Variants in ARPP21 observed in about 807,000 individuals in gnomAD.
ARPP21 encodes cAMP regulated phosphoprotein 21.
ARPP21 carries 69 observed loss-of-function variants against 113.2 expected under a neutral mutation model. That is an observed-to-expected ratio of 0.61 (90% CI 0.50 to 0.74). The LOEUF (loss-of-function observed/expected upper bound fraction) is 0.74. Among genes scored for constraint, ARPP21 ranks in the 30% least tolerant of loss-of-function variants. ARPP21 has a pLI of 0.00. For missense variants in ARPP21, 1,070 were observed against 1,037.4 expected (o/e 1.03, Z -0.43); for synonymous variants, 368 against 375.5 (o/e 0.98, Z 0.23).
intron 1 of ARPP21, among the ~76,000 whole-genome samples, chr3:35,675,754 G>A (rs992312995): frequency 6.6e-6 from 1 of 151,642 alleles, no homozygotes; most frequent in Non-Finnish European, 1.5e-5. Context: ...GTCCACATTG[G>A]ATAGATAAAT....
intron 20 of ARPP21, 142 bp from the exon 21 acceptor site, chr3:35,793,559 C>A: frequency 1.6e-6 from 1 of 642,466 alleles, no homozygotes; most frequent in Non-Finnish European, 2.8e-6. Context: ...TAATGTGAAA[C>A]AGCCGATAAA....
intron 19 of ARPP21, among the ~76,000 whole-genome samples, chr3:35,770,376 T>C (rs984795741): frequency 1.3e-5 from 2 of 152,216 alleles, no homozygotes; most frequent in Non-Finnish European, 2.9e-5. Context: ...TCAGCATTCT[T>C]AGCCTTGGAA....
At chr3:35,681,914 C>T in intron 3 of ARPP21, 34 bp downstream of exon 3, 1 of 1,602,504 alleles carries the variant, frequency 6.2e-7, no homozygotes, top group South Asian at 1.1e-5. Context: ...GACTCTCATA[C>T]AACTGTGTGC....
intron 7 of ARPP21, 37 bp from the exon 8 acceptor site, chr3:35,690,044 T>C (rs2081791079): frequency 5.7e-6 from 5 of 874,294 alleles, no homozygotes; most frequent in Non-Finnish European, 7.8e-6. Flanking sequence ...AAGTGGAACA[T>C]ACATAAAACC....
chr3:35,789,738 A>G (rs1028543323), intron 19 of ARPP21, among the ~76,000 whole-genome samples: 2 of 152,166 alleles, frequency 1.3e-5, no homozygotes, highest in African/African-American at 4.8e-5. Context: ...CAGGCTCTGC[A>G]CCTTTACTAG....
At chr3:35,737,563 A>G (rs2094432831) in intron 16 of ARPP21, among the ~76,000 whole-genome samples, 1 of 152,220 alleles carries the variant, frequency 6.6e-6, no homozygotes, top group Admixed American at 6.5e-5. Context: ...TGCCCCATGC[A>G]GTAACTTGCA....
chr3:35,704,737 C>T (rs1015704828), intron 9 of ARPP21, among the ~76,000 whole-genome samples: 2 of 151,720 alleles, frequency 1.3e-5, no homozygotes, highest in African/African-American at 2.4e-5. Context: ...TATGAATAGC[C>T]GCGCTAAATG....
At chr3:35,708,858 A>G in intron 10 of ARPP21, 111 bp from the exon 11 acceptor site, 1 of 709,870 alleles carries the variant, frequency 1.4e-6, no homozygotes, top group Non-Finnish European at 2.4e-6. Context: ...GAGATTTTTC[A>G]GGCTCCATTT....
rs1434778925 is a variant in ARPP21, at chr3:35,737,316, A to G, written c.1598A>G (p.Gln533Arg). Residue 533 changes from glutamine to arginine, a missense_variant, in exon 16 of 21, where the codon CAG (glutamine) becomes CGG (arginine). Gln to Arg is a conservative substitution (Grantham distance 43). Transcript: ENST00000684406. Reference sequence around the variant, plus strand: ...CAGCCCTCCCCGCAGCCCCAACAGCAGGTCCAGCCACCGCAGCCACAGATG... The same window carrying G: ...CAGCCCTCCCCGCAGCCCCAACAGCGGGTCCAGCCACCGCAGCCACAGATG... Reference protein sequence around the residue: ...QQQPSPQPQQQVQPPQPQMAG... With the variant: ...QQQPSPQPQQRVQPPQPQMAG... 1 of 1,612,552 alleles carries G rather than the reference A, an allele frequency of 6.2e-7. No homozygotes were observed. The highest frequency in any genetic ancestry group is 8.5e-7 in the Non-Finnish European group (1 of 1,179,110).
chr3:35,744,521 C>T (rs763117382), intron 19 of ARPP21: 3 of 529,532 alleles, frequency 5.7e-6, no homozygotes, highest in Non-Finnish European at 1.2e-5. Flanking sequence ...GAGTGAGTAG[C>T]AGGTCTCACA....
chr3:35,756,539 G>A (rs201763515), intron 19 of ARPP21, among the ~76,000 whole-genome samples: 1 of 64 alleles, frequency 0.016, no homozygotes, highest in South Asian at 0.25. Context: ...TTCCTGGTGG[G>A]TGATAGTTTT....
Position 35,681,893 on chromosome 3 carries a change from G to T in ARPP21, c.129+13G>T. 6.2e-7 allele frequency: 1 copy of T among 1,611,286 alleles called. No homozygotes were observed. The highest frequency in any genetic ancestry group is 8.5e-7 in the Non-Finnish European group (1 of 1,178,356). The stretch of plus-strand genomic sequence containing the variant: ...ACTGGAACTGCAGGTGAGTGAGCAT[G>T]AAGAGACCCTGACTCTCATACAACT... On this transcript the variant is annotated intron_variant, in intron 3 of 20. Transcript: ENST00000684406.
chr3:35,680,457 A>G (rs763892571), intron 2 of ARPP21, among the ~76,000 whole-genome samples: 23 of 151,922 alleles, frequency 1.5e-4, no homozygotes, highest in Non-Finnish European at 2.9e-4. Context: ...TAAAGATATC[A>G]TTAGATACCA....
chr3:35,668,988 A>G (rs952849783), intron 1 of ARPP21, among the ~76,000 whole-genome samples: 25 of 152,140 alleles, frequency 1.6e-4, no homozygotes, highest in African/African-American at 6.0e-4. Context: ...GCTAGCAATA[A>G]AGAATAAATG....
intron 1 of ARPP21, among the ~76,000 whole-genome samples, chr3:35,663,157 A>C (rs1389527608): frequency 6.6e-6 from 1 of 152,136 alleles, no homozygotes; most frequent in East Asian, 1.9e-4. Context: ...AAAAAATAAC[A>C]ACAGAAACTT....
At chr3:35,773,204 C>A (rs148778652) in intron 19 of ARPP21, among the ~76,000 whole-genome samples, 7 of 152,182 alleles carry the variant, frequency 4.6e-5, no homozygotes, top group South Asian at 2.1e-4. Flanking sequence ...AACTTCAAAT[C>A]GTTTTTTAAA....
At chr3:35,680,296 A>C (rs966380859) in intron 2 of ARPP21, among the ~76,000 whole-genome samples, 2 of 151,906 alleles carry the variant, frequency 1.3e-5, no homozygotes, top group African/African-American at 4.8e-5. Context: ...AATATAAGAA[A>C]TCCGTCAGAA....
intron 19 of ARPP21, among the ~76,000 whole-genome samples, chr3:35,773,973 A>G (rs1181265425): frequency 6.6e-6 from 1 of 152,172 alleles, no homozygotes; most frequent in African/African-American, 2.4e-5. Flanking sequence ...CACATTTGTA[A>G]GGCAGTGACT....
intron 1 of ARPP21, chr3:35,651,681 T>C (rs1475172790): frequency 6.6e-6 from 1 of 152,086 alleles, no homozygotes; most frequent in Admixed American, 6.6e-5. Flanking sequence ...AGGGGATTGT[T>C]CTAAGAATTA....
Sources: allele counts gnomAD v4.1 joint callset (sites outside exome capture counted in the v4.1 genomes callset), GRCh38; gene constraint gnomAD v4.1.1; transcripts MANE v1.5; gene names NCBI Gene and HGNC (gene_info 2026-07-23, HGNC 2026-07-21).